GRM8: variants seen among roughly 807,000 people sequenced by gnomAD.
The protein encoded by GRM8 is metabotropic glutamate receptor 8.
A neutral mutation model predicts 87.2 loss-of-function variants in GRM8; 47 were observed. The observed-to-expected ratio is 0.54, with a 90% CI of 0.43 to 0.69. GRM8 has a LOEUF of 0.69. Ranked by LOEUF, GRM8 falls within the 30% of genes least tolerant of loss-of-function variation. The pLI is 0.00. For synonymous variants in GRM8, 396 were observed against 404.5 expected (o/e 0.98, Z 0.25); for missense variants, 1,019 against 1,139.2 (o/e 0.89, Z 1.52).
chr7:126,773,258 T>C (rs1819055668), intron 6 of GRM8, among the ~76,000 whole-genome samples: 2 of 152,260 alleles, frequency 1.3e-5, no homozygotes, highest in East Asian at 3.9e-4. Context: ...AATTATTTTT[T>C]ATTTTGTGGG....
At chr7:126,447,092 T>C (rs572761135) in intron 9 of GRM8, 3 of 152,048 alleles carry the variant, frequency 2.0e-5, no homozygotes, top group African/African-American at 7.2e-5. Context: ...CCTGTGCTCA[T>C]TGCTTGCCCT....
At chr7:126,959,538 T>C (rs952611333) in intron 3 of GRM8, among the ~76,000 whole-genome samples, 4 of 152,192 alleles carry the variant, frequency 2.6e-5, no homozygotes, top group African/African-American at 9.6e-5. Context: ...GACTCAGCTT[T>C]TGCAAGGAAA....
At chr7:126,481,031 G>T (rs1806608832) in intron 9 of GRM8, among the ~76,000 whole-genome samples, 1 of 151,992 alleles carries the variant, frequency 6.6e-6, no homozygotes, top group South Asian at 2.1e-4. Flanking sequence ...ATCTCAAAGA[G>T]CTCTCAAAGG....
intron 2 of GRM8, among the ~76,000 whole-genome samples, chr7:127,212,080 A>G (rs189661563): frequency 6.6e-6 from 1 of 152,136 alleles, no homozygotes; most frequent in Non-Finnish European, 1.5e-5. Flanking sequence ...TAATAGTCAC[A>G]CCCCTATTTT....
Position 126,957,120 on chromosome 7 carries a change from A to T in GRM8, c.728-52437T>A, listed in dbSNP as rs1329602892. On this transcript the variant is annotated intron_variant, in intron 3 of 10. Transcript: ENST00000339582. ...ACACTGGTACAGACATAGATGCTGC[A>T]ATGTATCTACTACATTGATGTAGAG... 1.3e-5 allele frequency among the ~76,000 whole-genome samples: 2 copies of T among 152,204 alleles called. 1 individual carries two copies. Among genetic ancestry groups the T allele is most frequent in the Non-Finnish European group, 2.9e-5 (2 of 68,038 alleles).
chr7:126,939,466 T>A (rs907308500), intron 3 of GRM8, among the ~76,000 whole-genome samples: 1 of 152,204 alleles, frequency 6.6e-6, no homozygotes, highest in African/African-American at 2.4e-5. Context: ...CATGGGTTGC[T>A]ATGGGTATTA....
intron 8 of GRM8, among the ~76,000 whole-genome samples, chr7:126,594,482 G>T (rs534984578): frequency 6.6e-6 from 1 of 151,976 alleles, no homozygotes. Flanking sequence ...AAATAAGCCA[G>T]GTACAGAAAG....
chr7:126,571,205 T>C (rs1443812529), intron 8 of GRM8, among the ~76,000 whole-genome samples: 2 of 152,098 alleles, frequency 1.3e-5, no homozygotes, highest in African/African-American at 4.8e-5. Context: ...TTTTAATAAA[T>C]ATCAGAAATA....
At chr7:126,806,367 AC>A (rs1283441733) in intron 6 of GRM8, among the ~76,000 whole-genome samples, 2 of 152,344 alleles carry the variant, frequency 1.3e-5, no homozygotes, top group East Asian at 3.9e-4. Flanking sequence ...GAAAGCTGGC[AC>A]GGACACAGAG....
chr7:126,715,302 C>A, intron 7 of GRM8, among the ~76,000 whole-genome samples: 1 of 152,178 alleles, frequency 6.6e-6, no homozygotes, highest in East Asian at 1.9e-4. Context: ...GAGCTCACCA[C>A]AATAGCAGCA....
In GRM8 at chr7:126,533,763, C is replaced by T. The variant is rs775413219; in HGVS notation, c.1619G>A (p.Arg540His). The change falls in exon 9 of 11, where the codon CGC becomes CAC. Residue 540 changes from arginine (R) to histidine (H), a missense_variant. Transcript: ENST00000339582. ...KGVPCCWHCE[R>H]CEGYNYQVDE... Reference sequence around the variant, plus strand: ...CACCTGGTAGTTGTAACCTTCACAGCGTTCACAGTGCCAGCAGCAAGGGAC... The same window carrying T: ...CACCTGGTAGTTGTAACCTTCACAGTGTTCACAGTGCCAGCAGCAAGGGAC... 15 of 1,613,922 alleles carry T rather than the reference C, an allele frequency of 9.3e-6. No individual in the cohort carries two copies. The highest frequency in any genetic ancestry group is 8.3e-5 in the Admixed American group (5 of 60,006).
intron 2 of GRM8, among the ~76,000 whole-genome samples, chr7:127,216,712 G>A (rs1796577578): frequency 6.6e-6 from 1 of 152,114 alleles, no homozygotes; most frequent in Admixed American, 6.5e-5. Context: ...GGCCCTGCCT[G>A]TCTCCCAGTC....
chr7:126,996,802 A>G (rs774701392), intron 3 of GRM8, among the ~76,000 whole-genome samples: 1 of 152,006 alleles, frequency 6.6e-6, no homozygotes, highest in Non-Finnish European at 1.5e-5. Flanking sequence ...AGTAAATATT[A>G]TTAGAGCTAA....
chr7:126,989,275 T>A (rs1035289995), intron 3 of GRM8, among the ~76,000 whole-genome samples: 1 of 152,222 alleles, frequency 6.6e-6, no homozygotes, highest in African/African-American at 2.4e-5. Context: ...ATTCTCTTAA[T>A]CTTTTATCAC....
In GRM8 at chr7:126,815,132, G is replaced by T. The variant is rs143454118; in HGVS notation, c.1157-45067C>A. On this transcript the variant is annotated intron_variant, in intron 6 of 10. Transcript: ENST00000339582. The stretch of plus-strand genomic sequence containing the variant: ...TAAACTCAGCTAATGTGAGGCCTTG[G>T]TTCCAACCTCATGTCATGAATAATT... Among the ~76,000 whole-genome samples the T allele has an allele frequency of 4.5e-3, 687 of 152,168 alleles. 3 individuals are homozygous for T. The highest frequency in any genetic ancestry group is 0.014 in the South Asian group (66 of 4,816).
At chr7:126,549,496 G>C (rs1034838890) in intron 8 of GRM8, among the ~76,000 whole-genome samples, 1 of 152,052 alleles carries the variant, frequency 6.6e-6, no homozygotes, top group African/African-American at 2.4e-5. Context: ...AAATGGTCCT[G>C]ATTGCACTTT....
chr7:127,197,049 A>G (rs1465780513), intron 2 of GRM8, among the ~76,000 whole-genome samples: 2 of 152,182 alleles, frequency 1.3e-5, no homozygotes, highest in Non-Finnish European at 2.9e-5. Flanking sequence ...TACATGGTAC[A>G]AACGCTCTAA....
chr7:126,560,181 C>T (rs1164131278), intron 8 of GRM8, among the ~76,000 whole-genome samples: 1 of 152,128 alleles, frequency 6.6e-6, no homozygotes, highest in Non-Finnish European at 1.5e-5. Flanking sequence ...GTTTTCAAAT[C>T]CACATAATTT....
rs538588055 is a variant in GRM8, at chr7:127,054,758, A to G, written c.727+51738T>C. On this transcript the variant is annotated intron_variant, in intron 3 of 10. Coordinates refer to ENST00000339582, the MANE Select transcript of GRM8 (RefSeq NM_000845.3). ...ACAAGGTCCTAAAAATGTTAAGACAAAAACACTGAGTGGGATAATAAATAG... is the reference window on the plus strand; with the variant it reads ...ACAAGGTCCTAAAAATGTTAAGACAGAAACACTGAGTGGGATAATAAATAG... Among the ~76,000 whole-genome samples the G allele has an allele frequency of 3.3e-5, 5 of 152,318 alleles. No homozygotes were observed. The South Asian group carries it at 1.0e-3, about 32-fold the overall frequency.
Sources: allele counts gnomAD v4.1 joint callset (sites outside exome capture counted in the v4.1 genomes callset), GRCh38; gene constraint gnomAD v4.1.1; transcripts MANE v1.5; gene names NCBI Gene and HGNC (gene_info 2026-07-23, HGNC 2026-07-21).